Variants in PCDHA2 observed in about 807,000 individuals in gnomAD.
PCDHA2 encodes protocadherin alpha 2.
PCDHA2 carries 58 observed loss-of-function variants against 66.0 expected under a neutral mutation model. The observed-to-expected ratio is 0.88, with a 90% CI of 0.71 to 1.09. PCDHA2 has a LOEUF of 1.09. Among genes scored for constraint, PCDHA2 ranks in the 50% least tolerant of loss-of-function variants. The pLI is 0.00. For missense variants in PCDHA2, 1,267 were observed against 1,242.3 expected (o/e 1.02, Z -0.30); for synonymous variants, 634 against 554.0 (o/e 1.14, Z -2.03).
chr5:140,882,932 C>G (rs946510478), intron 1 of PCDHA2: 1 of 1,614,196 alleles, frequency 6.2e-7, no homozygotes, highest in Admixed American at 1.7e-5. Flanking sequence ...TAAACCCGAG[C>G]TGACTGGCAC....
At chr5:140,855,952 A>AT in intron 1 of PCDHA2, 1 of 1,380,786 alleles carries the variant, frequency 7.2e-7, no homozygotes, top group South Asian at 1.4e-5. Flanking sequence ...AGCCATTTCG[A>AT]TAAAAAATAG....
chr5:140,854,011 A>T (rs1218448806), intron 1 of PCDHA2: 1 of 394,286 alleles, frequency 2.5e-6, no homozygotes, highest in Non-Finnish European at 3.6e-6. Context: ...AAAAAAAAAA[A>T]ATTAGCCGGG....
intron 1 of PCDHA2, chr5:140,809,220 C>T: frequency 6.2e-7 from 1 of 1,614,068 alleles, no homozygotes; most frequent in Non-Finnish European, 8.5e-7. Flanking sequence ...GCGCCAAAGG[C>T]CTCCTCACGG....
chr5:141,005,333 A>T (rs1554260005), intron 3 of PCDHA2, among the ~76,000 whole-genome samples: 1 of 152,224 alleles, frequency 6.6e-6, no homozygotes, highest in Non-Finnish European at 1.5e-5. Flanking sequence ...TAATAGGCCA[A>T]GGGGGTGCTG....
At chr5:140,821,498 G>A (rs1479155064) in intron 1 of PCDHA2, 2 of 316,372 alleles carry the variant, frequency 6.3e-6, no homozygotes, top group East Asian at 1.1e-4. Flanking sequence ...AAATATTGAC[G>A]AATATAAGCT....
chr5:140,824,519 A>G (rs1465861980), intron 1 of PCDHA2: 1 of 220,416 alleles, frequency 4.5e-6, no homozygotes, highest in African/African-American at 2.3e-5. Flanking sequence ...TGATCTGATC[A>G]TAGCTCACCG....
intron 1 of PCDHA2, among the ~76,000 whole-genome samples, chr5:140,944,656 C>A (rs782213712): frequency 1.3e-5 from 2 of 152,016 alleles, no homozygotes; most frequent in Admixed American, 6.6e-5. Flanking sequence ...GAGTCCATAC[C>A]CCTTATTTAT....
At chr5:140,888,551 T>G (rs2061873493) in intron 1 of PCDHA2, among the ~76,000 whole-genome samples, 1 of 152,240 alleles carries the variant, frequency 6.6e-6, no homozygotes, top group Admixed American at 6.5e-5. Flanking sequence ...TACCAATTTA[T>G]TCCTTTCAAG....
At chr5:140,852,353 C>A (rs1349870360) in intron 1 of PCDHA2, 2 of 209,384 alleles carry the variant, frequency 9.6e-6, no homozygotes, top group African/African-American at 4.8e-5. Flanking sequence ...TCTTGGCTCA[C>A]TGCAACGTCT....
At chr5:140,952,993 C>G (rs1273513255) in intron 1 of PCDHA2, among the ~76,000 whole-genome samples, 1 of 152,106 alleles carries the variant, frequency 6.6e-6, no homozygotes, top group Non-Finnish European at 1.5e-5. Flanking sequence ...CTCATGAGAA[C>G]TCTCTCACTA....
chr5:140,967,229 C>T, intron 1 of PCDHA2: 2 of 1,613,760 alleles, frequency 1.2e-6, no homozygotes, highest in East Asian at 2.2e-5. Flanking sequence ...CAACTACCAG[C>T]TTCAGGTAAG....
At chr5:140,803,690 T>C (rs782237100) in intron 1 of PCDHA2, 1 of 1,553,866 alleles carries the variant, frequency 6.4e-7, no homozygotes, top group East Asian at 2.2e-5. Flanking sequence ...GTATGAATTA[T>C]GTGATTCATA....
intron 1 of PCDHA2, chr5:140,869,173 T>C: frequency 6.2e-7 from 1 of 1,613,884 alleles, no homozygotes; most frequent in African/African-American, 1.3e-5. Flanking sequence ...CCTCGAATTC[T>C]GGGAGGTGGG....
chr5:140,836,346 G>C (rs1774395733), intron 1 of PCDHA2: 1 of 1,613,696 alleles, frequency 6.2e-7, no homozygotes, highest in South Asian at 1.1e-5. Flanking sequence ...GAAGGACCAC[G>C]GGGAGCCCTC....
At position 140,829,584 on chromosome 5, in the gene PCDHA2, G is replaced by C. The variant is rs1198811288; in HGVS notation, c.2388+32232G>C. ...GTGTCCTACTCGCTGGTGGAGCGGC[G>C]GGTGGGCGAGCGCGCGTTGTCGAGC... is the stretch of plus-strand genomic sequence containing the variant. On this transcript the variant is annotated intron_variant, in intron 1 of 3. Transcript: ENST00000526136. The C allele has an allele frequency of 4.3e-6, 7 of 1,612,242 alleles. No homozygotes were observed. In the East Asian group the frequency reaches 1.3e-4, roughly 31 times the overall value.
At chr5:140,941,743 C>G (rs2093156279) in intron 1 of PCDHA2, among the ~76,000 whole-genome samples, 1 of 152,172 alleles carries the variant, frequency 6.6e-6, no homozygotes, top group Admixed American at 6.5e-5. Context: ...ATTATCTTAT[C>G]AGATTTTCAG....
intron 1 of PCDHA2, among the ~76,000 whole-genome samples, chr5:140,874,289 T>G (rs1234939624): frequency 1.3e-5 from 2 of 152,230 alleles, no homozygotes; most frequent in Non-Finnish European, 2.9e-5. Context: ...ACAAAATCTA[T>G]GTGTACTTGT....
In PCDHA2 at chr5:140,835,824, G is replaced by A. The variant is rs2150245957; in HGVS notation, c.2388+38472G>A. 5 of 1,612,592 alleles carry A rather than the reference G, an allele frequency of 3.1e-6. No individual in the cohort carries two copies. The South Asian group carries it at 4.4e-5, about 14-fold the overall frequency. On this transcript the variant is annotated intron_variant, in intron 1 of 3. Transcript: ENST00000526136. ...CCACATCTTCACTGTGTCGGCGGGG[G>A]ACGCGGACGCGCAGAAGAACGCGCT...
chr5:140,884,314 G>A, intron 1 of PCDHA2: 1 of 1,613,760 alleles, frequency 6.2e-7, no homozygotes, highest in Non-Finnish European at 8.5e-7. Context: ...CGTCGAGGGC[G>A]TCGGCAGGCG....
Sources: allele counts gnomAD v4.1 joint callset (sites outside exome capture counted in the v4.1 genomes callset), GRCh38; gene constraint gnomAD v4.1.1; transcripts MANE v1.5; gene names NCBI Gene and HGNC (gene_info 2026-07-23, HGNC 2026-07-21).